Variants in NSD2 observed in about 807,000 individuals in gnomAD.
NSD2 encodes the protein histone-lysine N-methyltransferase NSD2.
In NSD2, 12 loss-of-function variants were observed where a neutral mutation model predicts 139.0. The ratio of observed to expected loss-of-function variants is 0.09; its 90% CI spans 0.06 to 0.14. The LOEUF (loss-of-function observed/expected upper bound fraction) is 0.14. NSD2 is among the 10% of genes least tolerant of loss of function. NSD2 has a pLI of 1.00. For synonymous variants in NSD2, 669 were observed against 648.7 expected, an observed-to-expected ratio of 1.03 and a Z score of -0.48; for missense variants, 1,155 against 1,745.0, an observed-to-expected ratio of 0.66 and a Z score of 6.02.
rs997491147 is a variant in NSD2, at chr4:1,973,170, T to C, written c.3373-1693T>C. Among the ~76,000 whole-genome samples, 4 of 152,236 alleles carry C rather than the reference T, an allele frequency of 2.6e-5. No individual in the cohort carries two copies. The highest frequency in any genetic ancestry group is 9.6e-5 in the African/African-American group (4 of 41,454). ...GACATATTGTTATAAAGGGGTCTGA[T>C]GTTTGGAATATCTAGGGAACATCTG... On this transcript the variant is annotated intron_variant, in intron 18 of 21. Coordinates refer to ENST00000508803, the MANE Select transcript of NSD2 (RefSeq NM_001042424.3). The surrounding 1 kb of genome is among the most constrained non-coding windows in gnomAD (Gnocchi z 5.5).
In NSD2 at chr4:1,942,588, T is replaced by C; in HGVS notation, c.1881+2810T>C. Reference sequence around the variant, plus strand: ...AAGGTAAGATAACTAATCAAGGCCATTTAATCCGTCACATTCATCTCATAA... The same window carrying C: ...AAGGTAAGATAACTAATCAAGGCCACTTAATCCGTCACATTCATCTCATAA... On this transcript the variant is annotated intron_variant, in intron 9 of 21. Transcript: ENST00000508803. The surrounding 1 kb of genome is among the most constrained non-coding windows in gnomAD (Gnocchi z 4.0). 3 of 1,334,898 alleles carry C rather than the reference T, an allele frequency of 2.2e-6. No homozygotes were observed. The highest frequency in any genetic ancestry group is 1.9e-5 in the South Asian group (1 of 53,600). 82.7% of individuals were successfully genotyped at this position (1,334,898 alleles called of 1,614,324 possible).
chr4:1,952,002 A>T (rs973110602), intron 10 of NSD2, 106 bp from the exon 11 acceptor site: 13 of 1,512,760 alleles, frequency 8.6e-6, no homozygotes, highest in African/African-American at 1.4e-5. Context: ...TGAGTAGCAA[A>T]ATGGGATTTT....
chr4:1,922,729 T>C (rs1467727005), intron 5 of NSD2, among the ~76,000 whole-genome samples: 3 of 152,104 alleles, frequency 2.0e-5, no homozygotes, highest in Non-Finnish European at 4.4e-5. Flanking sequence ...AGCTCCAGAC[T>C]AGCCTGGCCA....
At chr4:1,971,999 C>T (rs1367635569) in intron 18 of NSD2, among the ~76,000 whole-genome samples, 1 of 152,220 alleles carries the variant, frequency 6.6e-6, no homozygotes, top group Non-Finnish European at 1.5e-5. Context: ...GCTCACGCCG[C>T]TCCTGTACCC....
At chr4:1,917,120 A>G in intron 4 of NSD2, 83 bp downstream of exon 4, 1 of 1,298,520 alleles carries the variant, frequency 7.7e-7, no homozygotes, top group East Asian at 2.6e-5. Context: ...TTTTGAACTT[A>G]TACTTGCTCG....
chr4:1,976,981 G>T lies in NSD2; in HGVS notation c.3826+302G>T, dbSNP rs1727151903. 6.6e-6 allele frequency among the ~76,000 whole-genome samples: 1 copy of T among 152,268 alleles called. No homozygotes were observed. Among genetic ancestry groups the T allele is most frequent in the South Asian group, 2.1e-4 (1 of 4,834 alleles). ...TTGGGGCCCTCATCCATGCTGTGGG[G>T]GCGGGGCGGCCAGGAAGGAGGCGAC... On this transcript the variant is annotated intron_variant, in intron 21 of 21. Coordinates refer to ENST00000508803, the MANE Select transcript of NSD2 (RefSeq NM_001042424.3). This position sits in a 1 kb window ranked among gnomAD's most constrained non-coding sequence, Gnocchi z 5.3.
chr4:1,974,685 T>G lies in NSD2; in HGVS notation c.3373-178T>G. ...CCACGTGGTCCTGACCTGTCCTCTG[T>G]GAGCAAGAGAAACAGGACTGGTTTG... On this transcript the variant is annotated intron_variant, in intron 18 of 21. Transcript: ENST00000508803. The surrounding 1 kb of genome is among the most constrained non-coding windows in gnomAD (Gnocchi z 4.0). 9.8e-6 allele frequency: 9 copies of G among 918,134 alleles called. No homozygotes were observed. The highest frequency in any genetic ancestry group is 1.6e-5 in the Non-Finnish European group (9 of 560,782). The allele number at this position is 918,134 out of a possible 1,614,324, so 56.9% of individuals were successfully genotyped here.
intron 1 of NSD2, among the ~76,000 whole-genome samples, chr4:1,898,901 A>T (rs1456894322): frequency 6.6e-6 from 1 of 151,970 alleles, no homozygotes; most frequent in Admixed American, 6.5e-5. Flanking sequence ...AATGGAGTTC[A>T]CCCAGTGCTG....
chr4:1,942,229 G>A lies in NSD2; in HGVS notation c.1881+2451G>A. The stretch of plus-strand genomic sequence containing the variant: ...GAGAATAAATTAAAATTACACACTT[G>A]CATGACAAAGGCCTGTGAAGGAATT... On this transcript the variant is annotated intron_variant, in intron 9 of 21. Transcript: ENST00000508803. The surrounding 1 kb of genome is among the most constrained non-coding windows in gnomAD (Gnocchi z 4.0). The A allele has an allele frequency of 6.6e-7, 1 of 1,521,318 alleles. No homozygotes were observed. The highest frequency in any genetic ancestry group is 8.8e-7 in the Non-Finnish European group (1 of 1,138,518). 94.2% of individuals were successfully genotyped at this position (1,521,318 alleles called of 1,614,324 possible).
chr4:1,958,151 C>A lies in NSD2; in HGVS notation c.2985+115C>A. ...GGAGAGGACTGTCACCAGCCAGGATCTGTGGTGCCTGGCATGGATGGCCAC... is the reference window on the plus strand; with the variant it reads ...GGAGAGGACTGTCACCAGCCAGGATATGTGGTGCCTGGCATGGATGGCCAC... On this transcript the variant is annotated intron_variant, in intron 16 of 21. Transcript: ENST00000508803. The surrounding 1 kb of genome is among the most constrained non-coding windows in gnomAD (Gnocchi z 4.6). The A allele has an allele frequency of 2.9e-6, 3 of 1,034,522 alleles. No homozygotes were observed. The highest frequency in any genetic ancestry group is 4.3e-6 in the Non-Finnish European group (3 of 697,810). The allele number at this position is 1,034,522 out of a possible 1,614,324, so 64.1% of individuals were successfully genotyped here. A position where few individuals can be genotyped will look rare whatever the true frequency, so the allele number is the denominator to read the frequency against.
rs936180147 is a variant in NSD2 at position 1,948,730 on chromosome 4, A to G, written c.1882-2342A>G. 1.2e-5 allele frequency: 13 copies of G among 1,050,632 alleles called. No homozygotes were observed. Among genetic ancestry groups the G allele is most frequent in the Non-Finnish European group, 1.5e-5 (13 of 869,022 alleles). The allele number at this position is 1,050,632 out of a possible 1,614,324, so 65.1% of individuals were successfully genotyped here. ...TATTCAGTGTTTATTTCCTCAAAAC[A>G]GACTTTGTTAATGTAGGAAATCTCT... On this transcript the variant is annotated intron_variant, in intron 9 of 21. Coordinates refer to ENST00000508803, the MANE Select transcript of NSD2 (RefSeq NM_001042424.3). This position sits in a 1 kb window ranked among gnomAD's most constrained non-coding sequence, Gnocchi z 4.5.
chr4:1,965,036 A>G (rs557304310), intron 18 of NSD2, among the ~76,000 whole-genome samples: 9 of 125,212 alleles, frequency 7.2e-5, no homozygotes, highest in African/African-American at 2.5e-4. Context: ...TAGACTTAAC[A>G]TGTCCAGTGT....
At position 1,972,203 on chromosome 4, in the gene NSD2, GATGCGTGTATTGA is replaced by G. The variant is rs556990411; in HGVS notation, c.3373-2656_3373-2644del. ...TGTATGCAGAGCCACAAAGAGCATTGATGCGTGTATTGAATGGAGCAGGCTTCTGTGGAAAGTT... is the reference window on the plus strand; with the variant it reads ...TGTATGCAGAGCCACAAAGAGCATTGATGGAGCAGGCTTCTGTGGAAAGTT... On this transcript the variant is annotated intron_variant, in intron 18 of 21. Transcript: ENST00000508803. This position sits in a 1 kb window ranked among gnomAD's most constrained non-coding sequence, Gnocchi z 4.0. Among the ~76,000 whole-genome samples, 1 of 152,308 alleles carries G rather than the reference GATGCGTGTATTGA, an allele frequency of 6.6e-6. No individual in the cohort carries two copies. The highest frequency in any genetic ancestry group is 1.9e-4 in the East Asian group (1 of 5,178).
rs568069748 is a variant in NSD2, at chr4:1,976,141, C to T, written c.3622-334C>T. Among the ~76,000 whole-genome samples the T allele has an allele frequency of 7.2e-5, 11 of 152,274 alleles. No individual in the cohort carries two copies. Among genetic ancestry groups the T allele is most frequent in the African/African-American group, 2.4e-4 (10 of 41,564 alleles). ...TAATGAGGAGACCCTGGGTGGCGGG[C>T]GGGAGCTGTTCTGCCTGTGGTGGCC... is the stretch of plus-strand genomic sequence containing the variant. On this transcript the variant is annotated intron_variant, in intron 20 of 21. Coordinates refer to ENST00000508803, the MANE Select transcript of NSD2 (RefSeq NM_001042424.3). The surrounding 1 kb of genome is among the most constrained non-coding windows in gnomAD (Gnocchi z 5.3).
intron 6 of NSD2, among the ~76,000 whole-genome samples, chr4:1,934,908 T>TATATATATATAA (rs1223710483): frequency 2.5e-5 from 2 of 79,074 alleles, no homozygotes; most frequent in Non-Finnish European, 5.0e-5. Context: ...TATATATATA[T>TATATATATATAA]AAAAAACAGA....
chr4:1,890,494 G>C (rs1424655979), intron 1 of NSD2, among the ~76,000 whole-genome samples: 1 of 151,626 alleles, frequency 6.6e-6, no homozygotes, highest in Non-Finnish European at 1.5e-5. Context: ...GTAGAGACAG[G>C]GTTTCACTGT....
intron 18 of NSD2, among the ~76,000 whole-genome samples, chr4:1,962,274 C>G (rs369065442): frequency 3.3e-5 from 5 of 152,282 alleles, no homozygotes; most frequent in Admixed American, 2.6e-4. Context: ...CAAAAAGAAT[C>G]CTGGGTTAAA....
chr4:1,925,099 T>C (rs984320277), intron 5 of NSD2, among the ~76,000 whole-genome samples: 3 of 152,368 alleles, frequency 2.0e-5, no homozygotes, highest in African/African-American at 7.2e-5. Context: ...GGATGCTCTT[T>C]AACTGTTCTG....
chr4:1,899,457 T>C (rs1716877502), intron 1 of NSD2: 1 of 152,236 alleles, frequency 6.6e-6, no homozygotes, highest in Non-Finnish European at 1.5e-5. Flanking sequence ...TAAGTGTCCC[T>C]GGGGAACAAA....
Sources: allele counts gnomAD v4.1 joint callset (sites outside exome capture counted in the v4.1 genomes callset), GRCh38; gene constraint gnomAD v4.1.1; non-coding constraint Gnocchi (gnomAD v3.1); transcripts MANE v1.5; gene names NCBI Gene and HGNC (gene_info 2026-07-23, HGNC 2026-07-21).